HS3ST4: variants seen among roughly 807,000 people sequenced by gnomAD.
The protein encoded by HS3ST4 is heparan sulfate glucosamine 3-O-sulfotransferase 4.
Under a neutral mutation model 29.2 loss-of-function variants are expected in HS3ST4, and 17 were observed. The observed-to-expected ratio is 0.58, with a 90% CI of 0.40 to 0.87. HS3ST4 has a LOEUF of 0.87. Among genes scored for constraint, HS3ST4 ranks in the 40% least tolerant of loss-of-function variants. The pLI, the probability that HS3ST4 is intolerant of heterozygous loss-of-function variation, is 0.00. For synonymous variants in HS3ST4, 314 were observed against 285.7 expected (o/e 1.10, Z -1.00); for missense variants, 627 against 634.5 (o/e 0.99, Z 0.13).
At chr16:25,905,797 AAG>A (rs568788659) in intron 1 of HS3ST4, among the ~76,000 whole-genome samples, 1,781 of 152,302 alleles carry the variant, frequency 0.012, 16 homozygotes, top group Middle Eastern at 0.061. Context: ...AGTGTTATGA[AAG>A]AGAGACAAAC....
At chr16:25,893,878 C>T (rs921521847) in intron 1 of HS3ST4, among the ~76,000 whole-genome samples, 4 of 152,176 alleles carry the variant, frequency 2.6e-5, no homozygotes, top group East Asian at 1.9e-4. Flanking sequence ...AGGGACACCC[C>T]GGGATGTCCA....
At chr16:26,083,063 G>C (rs1479344765) in intron 1 of HS3ST4, among the ~76,000 whole-genome samples, 1 of 152,190 alleles carries the variant, frequency 6.6e-6, no homozygotes, top group African/African-American at 2.4e-5. Context: ...CAAGGCCAAG[G>C]TGCCATGTCA....
At chr16:25,737,488 A>G (rs1043085004) in intron 1 of HS3ST4, among the ~76,000 whole-genome samples, 3 of 152,204 alleles carry the variant, frequency 2.0e-5, no homozygotes, top group African/African-American at 7.2e-5. Flanking sequence ...AACATCTCGT[A>G]AACAGAAAGT....
At chr16:26,067,767 A>G (rs1179225969) in intron 1 of HS3ST4, among the ~76,000 whole-genome samples, 3 of 152,050 alleles carry the variant, frequency 2.0e-5, no homozygotes, top group Admixed American at 2.0e-4. Context: ...AGCTGGTGGG[A>G]GGTAATTGAA....
intron 1 of HS3ST4, among the ~76,000 whole-genome samples, chr16:25,761,772 G>T (rs1266958404): frequency 6.6e-6 from 1 of 152,140 alleles, no homozygotes; most frequent in Non-Finnish European, 1.5e-5. Flanking sequence ...TAATAATCAT[G>T]ATCTGATTAT....
At chr16:25,909,723 T>TCACA (rs1968216925) in intron 1 of HS3ST4, among the ~76,000 whole-genome samples, 1 of 152,226 alleles carries the variant, frequency 6.6e-6, no homozygotes, top group African/African-American at 2.4e-5. Flanking sequence ...CCAACTAGTC[T>TCACA]TTATCGTGAG....
At chr16:26,031,068 T>A (rs1192920461) in intron 1 of HS3ST4, among the ~76,000 whole-genome samples, 1 of 152,224 alleles carries the variant, frequency 6.6e-6, no homozygotes, top group South Asian at 2.1e-4. Context: ...AGTGTGGCGA[T>A]GAGTATCTAC....
intron 1 of HS3ST4, among the ~76,000 whole-genome samples, chr16:26,096,128 G>A (rs1043263384): frequency 3.9e-5 from 6 of 152,106 alleles, no homozygotes; most frequent in Non-Finnish European, 8.8e-5. Flanking sequence ...AAAAAGTCCA[G>A]GACCAGACAG....
chr16:25,897,839 C>G (rs1443561252), intron 1 of HS3ST4, among the ~76,000 whole-genome samples: 2 of 152,140 alleles, frequency 1.3e-5, no homozygotes, highest in African/African-American at 4.8e-5. Context: ...AGTTTATGTT[C>G]AGGTGCTTTG....
chr16:25,831,315 C>A lies in HS3ST4; in HGVS notation c.734+138164C>A, dbSNP rs140464458. On this transcript the variant is annotated intron_variant, in intron 1 of 1. Transcript: ENST00000331351. ...TGGTAGATCACACCTGTAATCCTAG[C>A]ACCTTGGCAGGCCAAGTTGGGAGGA... Among the ~76,000 whole-genome samples, 724 of 151,978 alleles carry A rather than the reference C, an allele frequency of 4.8e-3. 22 individuals carry two copies. Among genetic ancestry groups the A allele is most frequent in the East Asian group, 0.039 (202 of 5,148 alleles).
chr16:25,702,515 G>A (rs1966340855), intron 1 of HS3ST4, among the ~76,000 whole-genome samples: 1 of 152,078 alleles, frequency 6.6e-6, no homozygotes, highest in Non-Finnish European at 1.5e-5. Flanking sequence ...CTCTAGGGTG[G>A]CATTTCTTTC....
intron 1 of HS3ST4, among the ~76,000 whole-genome samples, chr16:26,117,824 A>G (rs751689078): frequency 1.3e-5 from 2 of 152,218 alleles, no homozygotes; most frequent in Non-Finnish European, 2.9e-5. Flanking sequence ...TTAAGCACCT[A>G]TGATGTACCA....
At chr16:25,788,797 C>T (rs1196260036) in intron 1 of HS3ST4, among the ~76,000 whole-genome samples, 1 of 151,990 alleles carries the variant, frequency 6.6e-6, no homozygotes, top group Non-Finnish European at 1.5e-5. Flanking sequence ...ACCTCACCCC[C>T]ACAAAGTGTT....
chr16:26,118,306 A>G (rs1729661065), intron 1 of HS3ST4, among the ~76,000 whole-genome samples: 1 of 152,126 alleles, frequency 6.6e-6, no homozygotes, highest in African/African-American at 2.4e-5. Context: ...GGTTCAAGCA[A>G]TGGGTTCAAG....
At position 26,006,300 on chromosome 16, in the gene HS3ST4, GAAAAAA is replaced by G. The variant is rs11461863; in HGVS notation, c.735-129292_735-129287del. On this transcript the variant is annotated intron_variant, in intron 1 of 1. Coordinates refer to ENST00000331351, the MANE Select transcript of HS3ST4 (RefSeq NM_006040.3). ...GGTGACAAAGTGAGACTCTGTTTCA[GAAAAAA>G]AAAAAAAAAAAAAAAAAAAGAGGCT... Among the ~76,000 whole-genome samples the G allele has an allele frequency of 5.0e-4, 34 of 68,660 alleles. No individual in the cohort carries two copies. The East Asian group carries it at 6.7e-3, about 14-fold the overall frequency. The allele number at this position is 68,660 out of a possible 152,430, so 45.0% of individuals were successfully genotyped here.
At chr16:25,716,421 A>G (rs965603614) in intron 1 of HS3ST4, among the ~76,000 whole-genome samples, 1 of 152,194 alleles carries the variant, frequency 6.6e-6, no homozygotes, top group African/African-American at 2.4e-5. Context: ...AAACAGCCTT[A>G]TGAGGAAGCT....
At chr16:26,079,396 C>T (rs1190474764) in intron 1 of HS3ST4, among the ~76,000 whole-genome samples, 1 of 152,178 alleles carries the variant, frequency 6.6e-6, no homozygotes, top group Non-Finnish European at 1.5e-5. Flanking sequence ...TTCTTGAATA[C>T]ATTTAGGAGC....
At chr16:25,711,878 C>T (rs1309102693) in intron 1 of HS3ST4, among the ~76,000 whole-genome samples, 1 of 152,214 alleles carries the variant, frequency 6.6e-6, no homozygotes, top group Non-Finnish European at 1.5e-5. Flanking sequence ...ACCTGCTCGC[C>T]TCAGCCTCCC....
chr16:25,928,046 A>G (rs191162338), intron 1 of HS3ST4, among the ~76,000 whole-genome samples: 359 of 151,384 alleles, frequency 2.4e-3, no homozygotes, highest in Admixed American at 3.9e-3. Context: ...AAAAAAAAAA[A>G]AAAAAAAAAA....
Sources: allele counts gnomAD v4.1 joint callset (sites outside exome capture counted in the v4.1 genomes callset), GRCh38; gene constraint gnomAD v4.1.1; transcripts MANE v1.5; gene names NCBI Gene and HGNC (gene_info 2026-07-23, HGNC 2026-07-21).